Variants in CCDC33 observed in about 807,000 individuals in gnomAD.
CCDC33 encodes the protein coiled-coil domain-containing protein 33.
In CCDC33, 94 loss-of-function variants were observed where a neutral mutation model predicts 91.9. The observed-to-expected ratio is 1.02, with a 90% CI of 0.87 to 1.21. CCDC33 has a LOEUF of 1.21. Among genes scored for constraint, CCDC33 ranks in the 50% most tolerant of loss-of-function variants. The pLI is 0.00. For missense variants in CCDC33, 940 were observed against 935.5 expected, an observed-to-expected ratio of 1.00 and a Z score of -0.06; for synonymous variants, 396 against 374.5, an observed-to-expected ratio of 1.06 and a Z score of -0.66.
chr15:74,297,898 C>G (rs1403925251), intron 11 of CCDC33, among the ~76,000 whole-genome samples: 7 of 152,158 alleles, frequency 4.6e-5, no homozygotes, highest in Non-Finnish European at 4.4e-5. Context: ...CAAGCTAAGC[C>G]TCCACCTTCC....
In CCDC33 at chr15:74,254,322, C is replaced by T. The variant is rs140363453; in HGVS notation, c.186-8118C>T. 7.7e-3 allele frequency among the ~76,000 whole-genome samples: 1,176 copies of T among 152,314 alleles called. 16 individuals carry two copies. The highest frequency in any genetic ancestry group is 0.027 in the African/African-American group (1,129 of 41,568). On this transcript the variant is annotated intron_variant, in intron 2 of 18. Transcript: ENST00000398814. ...CTGGGATTACAGGCGTGAGCCACTG[C>T]GCCCGGACGCCTCTCTCAATTTTTA... is the stretch of plus-strand genomic sequence containing the variant.
chr15:74,203,448 G>A (rs1291818967), intron 1 of CCDC33, among the ~76,000 whole-genome samples: 1 of 152,202 alleles, frequency 6.6e-6, no homozygotes, highest in East Asian at 1.9e-4. Context: ...AGGGGCGAGA[G>A]GCAGAAGAAG....
intron 3 of CCDC33, among the ~76,000 whole-genome samples, chr15:74,265,542 C>G (rs773152762): frequency 6.6e-6 from 1 of 152,210 alleles, no homozygotes; most frequent in African/African-American, 2.4e-5. Flanking sequence ...ATATAACCCT[C>G]TGAGCTCCAT....
At chr15:74,321,342 A>G (rs1203902910) in intron 11 of CCDC33, among the ~76,000 whole-genome samples, 1 of 119,884 alleles carries the variant, frequency 8.3e-6, no homozygotes, top group African/African-American at 3.2e-5. Context: ...CCTCCGCCCC[A>G]CCCCCGCCTG....
chr15:74,302,299 CAG>C (rs969134143), intron 11 of CCDC33: 2 of 152,256 alleles, frequency 1.3e-5, no homozygotes, highest in Admixed American at 6.5e-5. Context: ...ATCATGAGTG[CAG>C]AGAGGAAGGA....
rs2059720711 is a variant in CCDC33, at chr15:74,297,941, A to G, written c.1290+1993A>G. 3.3e-5 allele frequency among the ~76,000 whole-genome samples: 5 copies of G among 152,214 alleles called. No individual in the cohort carries two copies. In the South Asian group the frequency reaches 1.0e-3, roughly 32 times the overall value. ...ATGCAGACCTCAGCCCCTGACTCAC[A>G]CCACCTCTAGAAGCAGGAACCACAA... is the stretch of plus-strand genomic sequence containing the variant. On this transcript the variant is annotated intron_variant, in intron 11 of 18. Transcript: ENST00000398814.
chr15:74,303,795 CAG>C (rs1485069688), intron 11 of CCDC33: 4 of 152,460 alleles, frequency 2.6e-5, no homozygotes, highest in East Asian at 1.9e-4. Flanking sequence ...CGCCTGCTGA[CAG>C]GGGCTGGAGG....
intron 2 of CCDC33, among the ~76,000 whole-genome samples, chr15:74,251,226 A>G (rs2075698880): frequency 6.6e-6 from 1 of 152,206 alleles, no homozygotes; most frequent in Non-Finnish European, 1.5e-5. Context: ...CCCGAGACAG[A>G]TTCTGTGCCC....
chr15:74,294,472 G>A (rs1400295451), intron 10 of CCDC33, among the ~76,000 whole-genome samples: 1 of 151,816 alleles, frequency 6.6e-6, no homozygotes, highest in Non-Finnish European at 1.5e-5. Context: ...AAGCAGCCAG[G>A]CACAGTGGCT....
At chr15:74,305,882 A>C (rs1012577611) in intron 11 of CCDC33, among the ~76,000 whole-genome samples, 9 of 112,008 alleles carry the variant, frequency 8.0e-5, no homozygotes, top group East Asian at 4.0e-4. Flanking sequence ...TGAAAAAATC[A>C]CTCAACCTCT....
chr15:74,305,316 G>T (rs2059873431), intron 11 of CCDC33, among the ~76,000 whole-genome samples: 1 of 152,210 alleles, frequency 6.6e-6, no homozygotes, highest in African/African-American at 2.4e-5. Flanking sequence ...TTGCAAGGGT[G>T]CACCCTGAGA....
chr15:74,326,796 G>A (rs867782386), intron 11 of CCDC33, among the ~76,000 whole-genome samples: 2 of 152,232 alleles, frequency 1.3e-5, no homozygotes, highest in African/African-American at 4.8e-5. Context: ...AGTGGGGAGG[G>A]GGCTGGAGGG....
At position 74,319,728 on chromosome 15, in the gene CCDC33, G is replaced by C. The variant is rs186999201; in HGVS notation, c.1291-10461G>C. On this transcript the variant is annotated intron_variant, in intron 11 of 18. Transcript: ENST00000398814. ...AGGAATGGGAAGCCAGCATCTTCCA[G>C]GAAGCCCCGCCCCCACCCCAGCCCA... is the stretch of plus-strand genomic sequence containing the variant. 2.1e-3 allele frequency: 320 copies of C among 152,540 alleles called. 3 individuals carry two copies. The highest frequency in any genetic ancestry group is 2.9e-3 in the Non-Finnish European group (199 of 68,254). 9.4% of individuals were successfully genotyped at this position (152,540 alleles called of 1,614,324 possible).
chr15:74,245,487 C>T (rs1249499238), intron 2 of CCDC33, among the ~76,000 whole-genome samples: 2 of 152,174 alleles, frequency 1.3e-5, no homozygotes, highest in Non-Finnish European at 2.9e-5. Flanking sequence ...TCGCCTTCTC[C>T]GCTCAGCTAT....
At chr15:74,327,269 C>A (rs112809086) in intron 11 of CCDC33, among the ~76,000 whole-genome samples, 5 of 152,270 alleles carry the variant, frequency 3.3e-5, no homozygotes, top group African/African-American at 9.6e-5. Context: ...TCACCAGAAG[C>A]CATGCTCTCC....
chr15:74,268,501 A>G, intron 5 of CCDC33, 43 bp downstream of exon 5: 1 of 1,436,890 alleles, frequency 7.0e-7, no homozygotes, highest in Non-Finnish European at 9.8e-7. Flanking sequence ...GGGGGTGGGA[A>G]AGGGCCAAGC....
At chr15:74,259,974 G>A (rs960077754) in intron 2 of CCDC33, among the ~76,000 whole-genome samples, 3 of 152,226 alleles carry the variant, frequency 2.0e-5, no homozygotes, top group Admixed American at 6.5e-5. Context: ...CACCCTTGGC[G>A]CTTCTGCTTT....
intron 7 of CCDC33, among the ~76,000 whole-genome samples, chr15:74,273,375 A>C (rs1237835064): frequency 6.6e-6 from 1 of 152,258 alleles, no homozygotes. Context: ...ATGGTTACAC[A>C]ACAATACGAA....
At chr15:74,280,128 G>A (rs375511346) in intron 8 of CCDC33, 36 bp downstream of exon 8, 17 of 1,611,856 alleles carry the variant, frequency 1.1e-5, no homozygotes, top group Non-Finnish European at 1.4e-5. Context: ...GGGCAGCCAT[G>A]CCTCAGGAGA....
Sources: allele counts gnomAD v4.1 joint callset (sites outside exome capture counted in the v4.1 genomes callset), GRCh38; gene constraint gnomAD v4.1.1; transcripts MANE v1.5; gene names NCBI Gene and HGNC (gene_info 2026-07-23, HGNC 2026-07-21).